The following MTMR3 variants were observed in gnomAD, a reference collection of about 807,000 sequenced individuals.
The protein encoded by MTMR3 is myotubularin related protein 3.
Under a neutral mutation model 132.4 loss-of-function variants are expected in MTMR3, and 32 were observed. That is an observed-to-expected ratio of 0.24 (90% CI 0.18 to 0.32). The LOEUF is 0.32. Ranked by LOEUF, MTMR3 falls within the 10% of genes least tolerant of loss-of-function variation. MTMR3 has a pLI of 1.00. For missense variants in MTMR3, 1,216 were observed against 1,489.6 expected (o/e 0.82, Z 3.02); for synonymous variants, 556 against 550.3 (o/e 1.01, Z -0.14).
At chr22:29,922,814 A>G (rs565222533) in intron 1 of MTMR3, among the ~76,000 whole-genome samples, 13 of 152,186 alleles carry the variant, frequency 8.5e-5, no homozygotes, top group African/African-American at 3.1e-4. Flanking sequence ...CTTAAAAAAA[A>G]TTTAAAATAG....
At chr22:29,975,270 G>A (rs2145879065) in intron 3 of MTMR3, among the ~76,000 whole-genome samples, 1 of 152,254 alleles carries the variant, frequency 6.6e-6, no homozygotes. Context: ...TCTTTAAAAT[G>A]CTCATAAATT....
Position 30,029,756 on chromosome 22 carries a change from G to A in MTMR3, c.*3955G>A, listed in dbSNP as rs530577270. The A allele has an allele frequency of 6.6e-6, 1 of 152,498 alleles. No homozygotes were observed. The highest frequency in any genetic ancestry group is 1.9e-4 in the East Asian group (1 of 5,330). The allele number at this position is 152,498 out of a possible 1,614,324, so 9.4% of individuals were successfully genotyped here. A position where few individuals can be genotyped will look rare whatever the true frequency, so the allele number is the denominator to read the frequency against. On this transcript the variant is annotated 3_prime_UTR_variant, in exon 20 of 20. Coordinates refer to ENST00000401950, the MANE Select transcript of MTMR3 (RefSeq NM_021090.4). The stretch of plus-strand genomic sequence containing the variant: ...TTGCAGTAGGTGAGGGCTAACAGCA[G>A]AATTTAAAGTGGACCCTGGGCTGTG...
intron 5 of MTMR3, chr22:29,980,035 T>C (rs765504011): frequency 2.0e-5 from 3 of 152,204 alleles, no homozygotes; most frequent in Non-Finnish European, 2.9e-5. Context: ...CTTCCTTCTT[T>C]ACTTGCCAGT....
chr22:29,886,278 G>T (rs1287124306), intron 1 of MTMR3, among the ~76,000 whole-genome samples: 2 of 152,182 alleles, frequency 1.3e-5, no homozygotes, highest in Non-Finnish European at 2.9e-5. Flanking sequence ...AGTGCTTATT[G>T]TTTGGAATTT....
chr22:29,991,535 G>C lies in MTMR3; in HGVS notation c.325G>C (p.Glu109Gln). The change falls in exon 7 of 20, where the codon GAG becomes CAG. Residue 109 changes from glutamate (E) to glutamine (Q), a missense_variant. By Grantham distance (29) the Glu-to-Gln change is conservative (BLOSUM62 2). Around this residue, in one of 7 missense-constraint regions of MTMR3, gnomAD observed 129 missense variants for 245.7 expected, o/e 0.53. Coordinates refer to ENST00000401950, the MANE Select transcript of MTMR3 (RefSeq NM_021090.4). Reference sequence around the variant, plus strand: ...GTTTTCAACCTTTGAGCAGTGTCAAGAGTGGCTGAAGAGACTGAACAACGC... The same window carrying C: ...GTTTTCAACCTTTGAGCAGTGTCAACAGTGGCTGAAGAGACTGAACAACGC... ...CQFSTFEQCQ[E>Q]WLKRLNNAIR... is the part of the protein sequence containing the mutation. 6.2e-7 allele frequency: 1 copy of C among 1,613,900 alleles called. No homozygotes were observed. Among genetic ancestry groups the C allele is most frequent in the Non-Finnish European group, 8.5e-7 (1 of 1,179,924 alleles).
chr22:29,928,171 C>CT lies in MTMR3; in HGVS notation c.-137-28846dup, dbSNP rs66896756. Among the ~76,000 whole-genome samples, 450 of 107,676 alleles carry CT rather than the reference C, an allele frequency of 4.2e-3. 5 individuals carry two copies. Among genetic ancestry groups the CT allele is most frequent in the East Asian group, 0.011 (39 of 3,558 alleles). 70.6% of individuals were successfully genotyped at this position (107,676 alleles called of 152,430 possible). On this transcript the variant is annotated intron_variant, in intron 1 of 19. Coordinates refer to ENST00000401950, the MANE Select transcript of MTMR3 (RefSeq NM_021090.4). ...CGGGTAATCACTACATTTTTTTTTTCTTTTTTTTTTTTTTTTTTTAGACAA... is the reference window on the plus strand; with the variant it reads ...CGGGTAATCACTACATTTTTTTTTTCTTTTTTTTTTTTTTTTTTTTAGACAA...
chr22:29,915,412 CCTT>C, intron 1 of MTMR3, among the ~76,000 whole-genome samples: 1 of 152,204 alleles, frequency 6.6e-6, no homozygotes, highest in Non-Finnish European at 1.5e-5. Context: ...CTGACGGTCT[CCTT>C]CATTCATTCA....
Position 30,013,212 on chromosome 22 carries a change from GA to G in MTMR3, c.1318-143del, listed in dbSNP as rs1038516855. 1.5e-4 allele frequency: 104 copies of G among 689,514 alleles called. No individual in the cohort carries two copies. In the African/African-American group the frequency reaches 1.7e-3, roughly 12 times the overall value. 42.7% of individuals were successfully genotyped at this position (689,514 alleles called of 1,614,324 possible). On this transcript the variant is annotated intron_variant, in intron 13 of 19. Transcript: ENST00000401950. ...TTCCCTAAGTGTGTGCCTCATCAGG[GA>G]TAGAGCCTTCCACCAAAGGGCAAGG...
intron 3 of MTMR3, among the ~76,000 whole-genome samples, chr22:29,975,723 A>G (rs2145879837): frequency 6.6e-6 from 1 of 152,306 alleles, no homozygotes; most frequent in South Asian, 2.1e-4. Flanking sequence ...CTCCCACCTC[A>G]GCCTCTTAAG....
At chr22:29,928,861 T>G (rs1019589453) in intron 1 of MTMR3, among the ~76,000 whole-genome samples, 3 of 152,154 alleles carry the variant, frequency 2.0e-5, no homozygotes, top group African/African-American at 7.2e-5. Flanking sequence ...CCGACTTTGT[T>G]GAAATATATC....
chr22:29,936,405 C>T (rs149425872), intron 1 of MTMR3, among the ~76,000 whole-genome samples: 1 of 152,244 alleles, frequency 6.6e-6, no homozygotes, highest in East Asian at 1.9e-4. Flanking sequence ...CCCATAACAA[C>T]ATAAACTTAC....
At chr22:29,897,073 C>CTTTTTCTTT (rs1047269341) in intron 1 of MTMR3, among the ~76,000 whole-genome samples, 2 of 150,828 alleles carry the variant, frequency 1.3e-5, no homozygotes, top group Admixed American at 6.6e-5. Flanking sequence ...TTTTCTTTTT[C>CTTTTTCTTT]TTTTTCTTTT....
chr22:29,955,569 A>G (rs566520152), intron 1 of MTMR3, among the ~76,000 whole-genome samples: 19 of 152,334 alleles, frequency 1.2e-4, no homozygotes, highest in African/African-American at 3.6e-4. Context: ...GAAGTTGCAA[A>G]TTATGAGTAG....
intron 1 of MTMR3, among the ~76,000 whole-genome samples, chr22:29,929,804 G>T (rs894521203): frequency 6.6e-6 from 1 of 152,120 alleles, no homozygotes; most frequent in Non-Finnish European, 1.5e-5. Flanking sequence ...GAGCCACCGC[G>T]CCCGGCCTCA....
chr22:30,017,767 C>A (rs2067632926), intron 15 of MTMR3, 160 bp from the exon 16 acceptor site: 1 of 799,432 alleles, frequency 1.3e-6, no homozygotes, highest in Non-Finnish European at 2.0e-6. Context: ...TGTATTGGTC[C>A]TCTTGGGATA....
At chr22:30,022,568 G>T in intron 18 of MTMR3, 41 bp from the exon 19 acceptor site, 1 of 1,557,866 alleles carries the variant, frequency 6.4e-7, no homozygotes. Flanking sequence ...CAGCTGGATG[G>T]CCCATCTCCT....
intron 1 of MTMR3, among the ~76,000 whole-genome samples, chr22:29,954,932 T>A (rs984194189): frequency 2.6e-5 from 4 of 152,192 alleles, no homozygotes; most frequent in Admixed American, 6.5e-5. Context: ...AGCCTTAAAA[T>A]TTTTCAGTTA....
In MTMR3 at chr22:29,883,345, A is replaced by C. The variant is rs903879352; in HGVS notation, c.-152A>C. On this transcript the variant is annotated 5_prime_UTR_variant, in exon 1 of 20. It removes an upstream start codon present in the reference 5' UTR. Coordinates refer to ENST00000401950, the MANE Select transcript of MTMR3 (RefSeq NM_021090.4). Reference sequence around the variant, plus strand: ...AGACTGTGCCGTGGAGGGCCTCGCCATGTCCTGCTGCCCGGTAAGAACCCC... The same window carrying C: ...AGACTGTGCCGTGGAGGGCCTCGCCCTGTCCTGCTGCCCGGTAAGAACCCC... 2.1e-4 allele frequency: 33 copies of C among 157,424 alleles called. No individual in the cohort carries two copies. The highest frequency in any genetic ancestry group is 3.7e-4 in the Non-Finnish European group (26 of 70,978). The allele number at this position is 157,424 out of a possible 1,614,324, so 9.8% of individuals were successfully genotyped here.
At chr22:30,020,911 A>G (rs1315482169) in intron 17 of MTMR3, 27 bp downstream of exon 17, 1 of 1,544,750 alleles carries the variant, frequency 6.5e-7, no homozygotes, top group Admixed American at 2.0e-5. Flanking sequence ...ATTCCTCCAT[A>G]GCTGCCCAAG....
Sources: allele counts gnomAD v4.1 joint callset (sites outside exome capture counted in the v4.1 genomes callset), GRCh38; gene constraint gnomAD v4.1.1; regional missense constraint gnomAD v4.1.1; transcripts MANE v1.5; gene names NCBI Gene and HGNC (gene_info 2026-07-23, HGNC 2026-07-21).